Variants in TFAP2A observed in about 807,000 individuals in gnomAD.
TFAP2A encodes transcription factor AP-2 alpha.
A neutral mutation model predicts 41.5 loss-of-function variants in TFAP2A; 7 were observed. The ratio of observed to expected loss-of-function variants is 0.17; its 90% CI spans 0.10 to 0.32. The LOEUF is 0.32. Among genes scored for constraint, TFAP2A ranks in the 10% least tolerant of loss-of-function variants. TFAP2A has a pLI of 1.00. For missense variants in TFAP2A, 416 were observed against 563.3 expected (o/e 0.74, Z 2.65); for synonymous variants, 247 against 242.8 (o/e 1.02, Z -0.16).
intron 2 of TFAP2A, chr6:10,409,652 G>T: frequency 1.8e-6 from 1 of 545,954 alleles, no homozygotes; most frequent in Non-Finnish European, 3.3e-6. Context: ...TGATTTATCT[G>T]TGTTGGTGGA....
chr6:10,400,707 C>T (rs1245437476), intron 5 of TFAP2A, 118 bp from the exon 6 acceptor site: 1 of 1,206,192 alleles, frequency 8.3e-7, no homozygotes. Context: ...GAAACACAAA[C>T]TACTTGTTTT....
intron 4 of TFAP2A, among the ~76,000 whole-genome samples, 160 bp downstream of exon 4, chr6:10,404,348 C>A (rs2857051): frequency 6.6e-6 from 1 of 152,160 alleles, no homozygotes; most frequent in Non-Finnish European, 1.5e-5. Flanking sequence ...CCCCAGATCC[C>A]GCCCACTTGG....
chr6:10,404,977 G>C (rs1253945725), intron 3 of TFAP2A: 2 of 590,898 alleles, frequency 3.4e-6, no homozygotes, highest in Non-Finnish European at 6.0e-6. Context: ...AGCCTGGCCT[G>C]CGTTTCTGCC....
Position 10,404,558 on chromosome 6 carries a change from G to A in TFAP2A, c.720C>T (p.Leu240=). The change falls in exon 4 of 7, where the codon CTC becomes CTT. Residue 240 remains leucine, a synonymous_variant. Coordinates refer to ENST00000379613, the MANE Select transcript of TFAP2A (RefSeq NM_001372066.1). ...ACGCGTTGAGACACTCGGGTGGTGAGAGCCGCCGCTGCACTTCCGCCACCG... is the reference window on the plus strand; with the variant it reads ...ACGCGTTGAGACACTCGGGTGGTGAAAGCCGCCGCTGCACTTCCGCCACCG... The part of the protein sequence containing the change: ...KVTVAEVQRR[L]SPPECLNASL... The A allele has an allele frequency of 1.9e-6, 3 of 1,613,880 alleles. No individual in the cohort carries two copies. Among genetic ancestry groups the A allele is most frequent in the Non-Finnish European group, 2.5e-6 (3 of 1,179,892 alleles).
intron 5 of TFAP2A, chr6:10,402,212 G>C: frequency 2.0e-6 from 1 of 510,774 alleles, no homozygotes; most frequent in Non-Finnish European, 3.8e-6. Flanking sequence ...AGACAAACTT[G>C]GAGAATGTGC....
At chr6:10,401,650 C>T (rs565542213) in intron 5 of TFAP2A, among the ~76,000 whole-genome samples, 1 of 152,132 alleles carries the variant, frequency 6.6e-6, no homozygotes, top group Non-Finnish European at 1.5e-5. Flanking sequence ...GTTTTAAAAT[C>T]TGTCTGGTAA....
Position 10,397,970 on chromosome 6 carries a change from T to TGGTG in TFAP2A, c.*443_*446dup. ...CTGAACTGAAGTATGTAAGGGAAGG[T>TGGTG]GGTGACTCAGTCCCATGAAGCGCAT... On this transcript the variant is annotated 3_prime_UTR_variant, in exon 7 of 7. Coordinates refer to ENST00000379613, the MANE Select transcript of TFAP2A (RefSeq NM_001372066.1). 2.9e-6 allele frequency: 3 copies of TGGTG among 1,022,754 alleles called. No homozygotes were observed. The highest frequency in any genetic ancestry group is 3.5e-6 in the Non-Finnish European group (3 of 853,216). The allele number at this position is 1,022,754 out of a possible 1,614,324, so 63.4% of individuals were successfully genotyped here. A position where few individuals can be genotyped will look rare whatever the true frequency, so the allele number is the denominator to read the frequency against.
rs1159407246 is a variant in TFAP2A, at chr6:10,410,333, G to A, written c.54C>T (p.Asp18=). 20 of 1,610,254 alleles carry A rather than the reference G, an allele frequency of 1.2e-5. No homozygotes were observed. Among genetic ancestry groups the A allele is most frequent in the Admixed American group, 1.7e-5 (1 of 59,512 alleles). ...TDNIKYEDCE[D]RHDGTSNGTA... is the part of the protein sequence containing the mutation. ...TCCCGTTGCTGGTGCCGTCGTGACG[G>A]TCCTAGAAGAGAGCGAGAGGAAAGG... Residue 18 remains aspartate, a splice_region_variant and synonymous_variant, in exon 2 of 7, where the codon GAC becomes GAT. Coordinates refer to ENST00000379613, the MANE Select transcript of TFAP2A (RefSeq NM_001372066.1).
At chr6:10,409,065 C>T (rs1757837129) in intron 2 of TFAP2A, 1 of 152,192 alleles carries the variant, frequency 6.6e-6, no homozygotes, top group African/African-American at 2.4e-5. Flanking sequence ...AGAATTGAAG[C>T]AGAGGTACTG....
At chr6:10,418,850 T>C (rs1758333314), upstream of TFAP2A, among the ~76,000 whole-genome samples, 1 of 152,116 alleles carries the variant, frequency 6.6e-6, no homozygotes, top group South Asian at 2.1e-4. Flanking sequence ...TTGTATCTCC[T>C]ACAGAAACAC....
At chr6:10,406,321 A>G (rs1757711741) in intron 3 of TFAP2A, 1 of 163,382 alleles carries the variant, frequency 6.1e-6, no homozygotes, top group Non-Finnish European at 1.3e-5. Flanking sequence ...CAAAGTTCTA[A>G]GACCCTTAAA....
At chr6:10,403,382 C>CA (rs1416010900) in intron 4 of TFAP2A, among the ~76,000 whole-genome samples, 2 of 152,158 alleles carry the variant, frequency 1.3e-5, no homozygotes, top group Non-Finnish European at 1.5e-5. Context: ...AAGGAAAAAG[C>CA]AGAGGGCAAG....
At chr6:10,416,499 T>C (rs957968417), upstream of TFAP2A, 1 of 152,136 alleles carries the variant, frequency 6.6e-6, no homozygotes, top group African/African-American at 2.4e-5. Context: ...CTGGCTGAGC[T>C]TCCTCGTTTG....
intron 1 of TFAP2A, among the ~76,000 whole-genome samples, chr6:10,413,226 C>A (rs541121842): frequency 6.6e-6 from 1 of 152,380 alleles, no homozygotes; most frequent in East Asian, 1.9e-4. Flanking sequence ...GCTTGCCCAC[C>A]ACGGCCAAAG....
At chr6:10,412,610 G>A in intron 1 of TFAP2A, 1 of 245,716 alleles carries the variant, frequency 4.1e-6, no homozygotes, top group South Asian at 3.2e-5. Context: ...ACCTCGGGAT[G>A]CAGCGGGGGT....
chr6:10,406,933 G>A, intron 2 of TFAP2A, 89 bp from the exon 3 acceptor site: 1 of 1,050,586 alleles, frequency 9.5e-7, no homozygotes, highest in Non-Finnish European at 1.5e-6. Flanking sequence ...AGGGGAAGGT[G>A]TAGAATCAAA....
At chr6:10,412,474 G>A (rs1328140168) in intron 1 of TFAP2A, 1 of 142,150 alleles carries the variant, frequency 7.0e-6, no homozygotes, top group East Asian at 2.6e-4. Flanking sequence ...AGGGAAAGAG[G>A]GAGGGAGGAA....
chr6:10,414,242 C>A (rs553479140), intron 1 of TFAP2A, among the ~76,000 whole-genome samples: 134 of 152,332 alleles, frequency 8.8e-4, no homozygotes, highest in South Asian at 8.3e-3. Context: ...ACCCCACCCC[C>A]ACACACCCCC....
intron 1 of TFAP2A, among the ~76,000 whole-genome samples, chr6:10,413,875 A>C (rs1311202745): frequency 1.3e-5 from 2 of 152,076 alleles, no homozygotes; most frequent in East Asian, 1.9e-4. Flanking sequence ...AGAAAAAAAA[A>C]AAAAACAGCA....
Sources: allele counts gnomAD v4.1 joint callset (sites outside exome capture counted in the v4.1 genomes callset), GRCh38; gene constraint gnomAD v4.1.1; transcripts MANE v1.5; gene names NCBI Gene and HGNC (gene_info 2026-07-23, HGNC 2026-07-21).